The following LINGO2 variants were observed in gnomAD, a reference collection of about 807,000 sequenced individuals.
LINGO2 encodes leucine rich repeat and Ig domain containing 2.
LINGO2 carries 14 observed loss-of-function variants against 30.6 expected under a neutral mutation model. The ratio of observed to expected loss-of-function variants is 0.46; its 90% CI spans 0.30 to 0.72. The LOEUF is 0.72. LINGO2 is among the 30% of genes least tolerant of loss of function. LINGO2 has a pLI of 0.07. For missense variants in LINGO2, 729 were observed against 751.7 expected (o/e 0.97, Z 0.35); for synonymous variants, 317 against 288.5 (o/e 1.10, Z -1.00).
At chr9:29,063,992 T>A in the LINGO2 span, among the ~76,000 whole-genome samples, 1 of 152,126 alleles carries the variant, frequency 6.6e-6, no homozygotes, top group Non-Finnish European at 1.5e-5. Context: ...ACTATGGCCA[T>A]CCTTCATCTT....
At chr9:28,109,677 AC>A (rs1038197668) in intron 4 of LINGO2, among the ~76,000 whole-genome samples, 7 of 152,178 alleles carry the variant, frequency 4.6e-5, no homozygotes, top group Non-Finnish European at 8.8e-5. Flanking sequence ...ACATAGGAAT[AC>A]AACTGACAAG....
chr9:28,070,804 C>G (rs987285684), intron 4 of LINGO2, among the ~76,000 whole-genome samples: 2 of 152,096 alleles, frequency 1.3e-5, no homozygotes, highest in African/African-American at 4.8e-5. Context: ...CTTTGAACTC[C>G]TAGGCTCAAA....
rs145142842 is a variant in LINGO2 at position 28,577,270 on chromosome 9, T to C, written c.-365+92930A>G. Among the ~76,000 whole-genome samples the C allele has an allele frequency of 8.5e-3, 1,294 of 152,292 alleles. 28 individuals are homozygous for C. Among genetic ancestry groups the C allele is most frequent in the East Asian group, 0.055 (287 of 5,178 alleles). ...ACTCCTTTAAGTAACATCACTATTA[T>C]AGAATCTAAGATTGATCTTTTGAGT... On this transcript the variant is annotated intron_variant, in intron 1 of 5. Transcript: ENST00000379992.
At chr9:28,721,664 T>C in the LINGO2 span, among the ~76,000 whole-genome samples, 1 of 151,852 alleles carries the variant, frequency 6.6e-6, no homozygotes, top group Non-Finnish European at 1.5e-5. Flanking sequence ...TGTTGGGGGA[T>C]GGGGAGAATG....
At chr9:28,413,166 G>C (rs1430479944) in intron 2 of LINGO2, among the ~76,000 whole-genome samples, 1 of 152,066 alleles carries the variant, frequency 6.6e-6, no homozygotes, top group African/African-American at 2.4e-5. Context: ...GCTATTAGTA[G>C]TTAAGTTCTG....
At chr9:28,878,871 C>T in the LINGO2 span, among the ~76,000 whole-genome samples, 1 of 152,152 alleles carries the variant, frequency 6.6e-6, no homozygotes, top group African/African-American at 2.4e-5. Flanking sequence ...GACAAACCCA[C>T]AGCCAATATC....
chr9:28,526,945 A>G (rs1821060301), intron 1 of LINGO2, among the ~76,000 whole-genome samples: 1 of 152,194 alleles, frequency 6.6e-6, no homozygotes, highest in Non-Finnish European at 1.5e-5. Context: ...TGTCCTTTAT[A>G]ATGTAGTTTA....
At chr9:28,837,682 T>TATATATATATATATATG in the LINGO2 span, among the ~76,000 whole-genome samples, 1 of 46,780 alleles carries the variant, frequency 2.1e-5, no homozygotes, top group Non-Finnish European at 5.2e-5. Flanking sequence ...ATATATATAT[T>TATATATATATATATATG]TAGGATAACA....
At chr9:27,972,207 G>T (rs973444829) in intron 5 of LINGO2, among the ~76,000 whole-genome samples, 3 of 152,176 alleles carry the variant, frequency 2.0e-5, no homozygotes, top group African/African-American at 7.2e-5. Context: ...AACGGTGAGG[G>T]CATCTAAGGA....
chr9:28,098,265 A>G lies in LINGO2; in HGVS notation c.-86-85860T>C, dbSNP rs184932399. ...GGTTGCAGTGAGCTGAGATCTTGCTACTGCACTCCAGCCTGGGTGACAGAG... is the reference window on the plus strand; with the variant it reads ...GGTTGCAGTGAGCTGAGATCTTGCTGCTGCACTCCAGCCTGGGTGACAGAG... On this transcript the variant is annotated intron_variant, in intron 4 of 5. Transcript: ENST00000379992. 2.6e-3 allele frequency among the ~76,000 whole-genome samples: 398 copies of G among 152,284 alleles called. 9 individuals are homozygous for G. The South Asian group carries it at 0.049, about 19-fold the overall frequency.
intron 4 of LINGO2, among the ~76,000 whole-genome samples, chr9:28,184,835 A>G (rs570431280): frequency 1.3e-5 from 2 of 152,318 alleles, no homozygotes; most frequent in Admixed American, 1.3e-4. Context: ...ACAAGAAAAC[A>G]TCTGCTGCTT....
the LINGO2 span, among the ~76,000 whole-genome samples, chr9:29,192,541 T>C: frequency 6.6e-6 from 1 of 151,502 alleles, no homozygotes; most frequent in East Asian, 1.9e-4. Flanking sequence ...AAAATATTTT[T>C]CTAATGAAAT....
At chr9:28,328,577 C>T (rs12338543) in intron 3 of LINGO2, among the ~76,000 whole-genome samples, 3,290 of 148,942 alleles carry the variant, frequency 0.022, 104 homozygotes, top group African/African-American at 0.076. Flanking sequence ...AGCAGAATGA[C>T]GGAAATAATT....
At chr9:28,542,756 C>T (rs919679844) in intron 1 of LINGO2, among the ~76,000 whole-genome samples, 9 of 151,868 alleles carry the variant, frequency 5.9e-5, no homozygotes, top group Admixed American at 3.9e-4. Flanking sequence ...TTCCATGGAT[C>T]GTGATTCATG....
chr9:28,068,285 G>A (rs1825372809), intron 4 of LINGO2, among the ~76,000 whole-genome samples: 1 of 152,128 alleles, frequency 6.6e-6, no homozygotes, highest in Non-Finnish European at 1.5e-5. Flanking sequence ...TTAAAGGTAG[G>A]TTTCTTTTTA....
At chr9:28,897,712 G>A in the LINGO2 span, among the ~76,000 whole-genome samples, 7 of 151,978 alleles carry the variant, frequency 4.6e-5, no homozygotes, top group Non-Finnish European at 1.0e-4. Context: ...GGGTTATGAG[G>A]ATTAATTAAA....
chr9:28,435,927 T>C (rs1388031240), intron 2 of LINGO2, among the ~76,000 whole-genome samples: 1 of 152,192 alleles, frequency 6.6e-6, no homozygotes, highest in Non-Finnish European at 1.5e-5. Context: ...CAGTAAATAC[T>C]CACTGATTGA....
chr9:28,898,613 C>T, the LINGO2 span, among the ~76,000 whole-genome samples: 6,302 of 151,712 alleles, frequency 0.042, 197 homozygotes, highest in Admixed American at 0.082. Flanking sequence ...TATTAGAAAA[C>T]GCTAAATTTG....
At chr9:29,084,710 T>C in the LINGO2 span, among the ~76,000 whole-genome samples, 70,697 of 151,588 alleles carry the variant, frequency 0.47, 17,177 homozygotes, top group African/African-American at 0.61. Context: ...ATATCAAATT[T>C]CCGCTTTTAA....
Sources: allele counts gnomAD v4.1 joint callset (sites outside exome capture counted in the v4.1 genomes callset), GRCh38; gene constraint gnomAD v4.1.1; transcripts MANE v1.5; gene names NCBI Gene and HGNC (gene_info 2026-07-23, HGNC 2026-07-21).